The following ADAMTS20 variants were observed in gnomAD, a reference collection of about 807,000 sequenced individuals.
The protein encoded by ADAMTS20 is ADAM metallopeptidase with thrombospondin type 1 motif 20.
Under a neutral mutation model 260.1 loss-of-function variants are expected in ADAMTS20, and 225 were observed. That is an observed-to-expected ratio of 0.87 (90% CI 0.78 to 0.97). The LOEUF is 0.97. Among genes scored for constraint, ADAMTS20 ranks in the 50% least tolerant of loss-of-function variants. The pLI is 0.00. For synonymous variants in ADAMTS20, 802 were observed against 769.5 expected, an observed-to-expected ratio of 1.04 and a Z score of -0.70; for missense variants, 2,400 against 2,337.7, an observed-to-expected ratio of 1.03 and a Z score of -0.55.
At chr12:43,536,634 A>G (rs895338357) in intron 2 of ADAMTS20, among the ~76,000 whole-genome samples, 3 of 152,216 alleles carry the variant, frequency 2.0e-5, no homozygotes, top group Non-Finnish European at 4.4e-5. Flanking sequence ...GACATTCCAC[A>G]TAGAAGGGAA....
In ADAMTS20 at chr12:43,429,615, A is replaced by G; in HGVS notation, c.3489+2T>C. On this transcript the variant is annotated splice_donor_variant, in intron 24 of 38. Transcript: ENST00000389420. LOFTEE classifies it high-confidence loss of function. The stretch of plus-strand genomic sequence containing the variant: ...CTGTATCTATTAAAGAAATTCACTT[A>G]CTGGGGTCCAAGAACCATGTCGCCA... 1 of 1,581,048 alleles carries G rather than the reference A, an allele frequency of 6.3e-7. No homozygotes were observed. Among genetic ancestry groups the G allele is most frequent in the Non-Finnish European group, 8.6e-7 (1 of 1,161,584 alleles).
chr12:43,367,959 T>A (rs540821357), intron 37 of ADAMTS20, among the ~76,000 whole-genome samples: 2 of 152,064 alleles, frequency 1.3e-5, no homozygotes, highest in Admixed American at 6.6e-5. Context: ...TGGAACCTAC[T>A]GCCCTATTAA....
chr12:43,443,686 G>T, intron 16 of ADAMTS20, 105 bp downstream of exon 16: 1 of 842,226 alleles, frequency 1.2e-6, no homozygotes, highest in Non-Finnish European at 2.0e-6. Flanking sequence ...GAAATTGCAT[G>T]CTTGCTAAAG....
chr12:43,518,866 C>A (rs528158362), intron 3 of ADAMTS20, among the ~76,000 whole-genome samples: 2 of 151,680 alleles, frequency 1.3e-5, no homozygotes, highest in African/African-American at 4.8e-5. Context: ...TTACTCTCAG[C>A]CCTCACCTAC....
rs557564189 is a variant in ADAMTS20, at chr12:43,493,205, C to T, written c.916G>A (p.Val306Ile). 6.8e-5 allele frequency: 106 copies of T among 1,562,778 alleles called. No homozygotes were observed. The highest frequency in any genetic ancestry group is 1.7e-4 in the Middle Eastern group (1 of 5,804). The change falls in exon 5 of 39, where the codon GTA becomes ATA. Residue 306 changes from valine to isoleucine, a missense_variant. Val to Ile is a conservative substitution (Grantham distance 29, BLOSUM62 3). Coordinates refer to ENST00000389420, the MANE Select transcript of ADAMTS20 (RefSeq NM_025003.5). ...TGAATCATAACTAATTTTACCACTA[C>T]TATGTGTATCAAATTTCCAATACTT... is the stretch of plus-strand genomic sequence containing the variant. Reference protein sequence around the residue: ...DPSIGNLIHIVVVKLVMIHRE... With the variant: ...DPSIGNLIHIIVVKLVMIHRE...
rs755911385 is a variant in ADAMTS20 at position 43,431,328 on chromosome 12, T to C, written c.3261+4A>G. 1.4e-5 allele frequency: 22 copies of C among 1,613,086 alleles called. No individual in the cohort carries two copies. The highest frequency in any genetic ancestry group is 1.8e-5 in the Non-Finnish European group (21 of 1,179,464). On this transcript the variant is annotated splice_donor_region_variant and intron_variant, in intron 22 of 38. Transcript: ENST00000389420. Reference sequence around the variant, plus strand: ...AATTAGAAAAACCCATATCATATACTCACAGGACCCCATGGTCCTACTTGC... The same window carrying C: ...AATTAGAAAAACCCATATCATATACCCACAGGACCCCATGGTCCTACTTGC...
At position 43,359,952 on chromosome 12, in the gene ADAMTS20, G is replaced by A. The variant is rs376770087; in HGVS notation, c.5539-3364C>T. On this transcript the variant is annotated intron_variant, in intron 37 of 38. Transcript: ENST00000389420. ...TTGAGTTTAATGATTTCTCAGAAAT[G>A]ACTCTAAATGTACAGTCCATAAAAG... 7.6e-4 allele frequency among the ~76,000 whole-genome samples: 115 copies of A among 152,238 alleles called. 2 individuals carry two copies. The South Asian group carries it at 0.023, about 31-fold the overall frequency.
At chr12:43,410,374 C>G (rs890645311) in intron 28 of ADAMTS20, among the ~76,000 whole-genome samples, 1 of 151,996 alleles carries the variant, frequency 6.6e-6, no homozygotes, top group African/African-American at 2.4e-5. Flanking sequence ...GCTGTTCAAG[C>G]CCTTAAGGAA....
rs144719963 is a variant in ADAMTS20 at position 43,460,090 on chromosome 12, T to C, written c.1614+2805A>G. ...TTTCAAATGTCCCTTCAATAAAAGGTTTATTTAATACTGAATACAGCTAAA... is the reference window on the plus strand; with the variant it reads ...TTTCAAATGTCCCTTCAATAAAAGGCTTATTTAATACTGAATACAGCTAAA... On this transcript the variant is annotated intron_variant, in intron 11 of 38. Coordinates refer to ENST00000389420, the MANE Select transcript of ADAMTS20 (RefSeq NM_025003.5). Among the ~76,000 whole-genome samples the C allele has an allele frequency of 8.0e-4, 122 of 152,318 alleles. 2 individuals are homozygous for C. The highest frequency in any genetic ancestry group is 2.6e-3 in the African/African-American group (108 of 41,582).
intron 32 of ADAMTS20, 36 bp from the exon 33 acceptor site, chr12:43,376,689 T>C: frequency 1.9e-6 from 3 of 1,581,062 alleles, no homozygotes; most frequent in Non-Finnish European, 2.6e-6. Flanking sequence ...CAAACTATAT[T>C]ATGAATCTTA....
Position 43,405,229 on chromosome 12 carries a change from C to CCAAAAAAAAAA in ADAMTS20, c.4285-5997_4285-5996insTTTTTTTTTTG, listed in dbSNP as rs1410899520. ...GTAACAAAATGAGACCTCATCTCTA[C>CCAAAAAAAAAA]AAAAAAAAAAAAAAAAAAAAAAAAA... On this transcript the variant is annotated intron_variant, in intron 28 of 38. Transcript: ENST00000389420. 3.1e-3 allele frequency among the ~76,000 whole-genome samples: 165 copies of CCAAAAAAAAAA among 52,774 alleles called. 38 individuals are homozygous for CCAAAAAAAAAA. The highest frequency in any genetic ancestry group is 0.011 in the East Asian group (23 of 2,022). 34.6% of individuals were successfully genotyped at this position (52,774 alleles called of 152,430 possible).
intron 11 of ADAMTS20, among the ~76,000 whole-genome samples, chr12:43,460,506 G>T (rs1371637321): frequency 6.6e-6 from 1 of 152,014 alleles, no homozygotes; most frequent in Non-Finnish European, 1.5e-5. Flanking sequence ...GTCTAAAATG[G>T]TGCACATACT....
At chr12:43,433,547 A>G (rs966719298) in intron 19 of ADAMTS20, among the ~76,000 whole-genome samples, 2 of 152,192 alleles carry the variant, frequency 1.3e-5, no homozygotes, top group Non-Finnish European at 2.9e-5. Flanking sequence ...ATAAATATAT[A>G]GAAATTCTCA....
At position 43,377,527 on chromosome 12, in the gene ADAMTS20, C is replaced by G. The variant is rs752437648; in HGVS notation, c.4833G>C (p.Arg1611Ser). The change falls in exon 32 of 39, where the codon AGG becomes AGC. Residue 1611 changes from arginine to serine, a missense_variant. Transcript: ENST00000389420. ...ATGGGATCTCGGTGCAATATGTAAT[C>G]CTTTGTCTGTAACTAAATCCACAGT... ...ANNCGFSYRQ[R>S]ITYCTEIPST... 5.6e-6 allele frequency: 9 copies of G among 1,613,036 alleles called. No individual in the cohort carries two copies. The highest frequency in any genetic ancestry group is 2.2e-5 in the East Asian group (1 of 44,864).
At chr12:43,379,314 A>G (rs929710694) in intron 31 of ADAMTS20, among the ~76,000 whole-genome samples, 50 of 152,190 alleles carry the variant, frequency 3.3e-4, no homozygotes, top group African/African-American at 5.5e-4. Context: ...AAAAGGCTTA[A>G]AAGGAAAAGC....
At chr12:43,424,005 C>T in intron 28 of ADAMTS20, 1 of 645,084 alleles carries the variant, frequency 1.6e-6, no homozygotes. Flanking sequence ...TGAACCAGAG[C>T]TTGACCTACT....
At chr12:43,361,497 C>T (rs913551906) in intron 37 of ADAMTS20, among the ~76,000 whole-genome samples, 20 of 152,236 alleles carry the variant, frequency 1.3e-4, no homozygotes, top group African/African-American at 4.6e-4. Context: ...GCAAGAGAGA[C>T]ATCTCGCCCC....
intron 7 of ADAMTS20, among the ~76,000 whole-genome samples, chr12:43,488,096 T>C (rs1942549977): frequency 6.6e-6 from 1 of 151,208 alleles, no homozygotes; most frequent in Non-Finnish European, 1.5e-5. Flanking sequence ...GTTTTTGTGT[T>C]GTTGTTTTTA....
Position 43,446,670 on chromosome 12 carries a change from C to G in ADAMTS20, c.2122G>C (p.Asp708His). The G allele has an allele frequency of 1.2e-6, 2 of 1,613,450 alleles. No homozygotes were observed. The highest frequency in any genetic ancestry group is 1.7e-6 in the Non-Finnish European group (2 of 1,179,548). Residue 708 changes from aspartate (D) to histidine (H), a missense_variant, in exon 15 of 39, where the codon GAC (aspartate) becomes CAC (histidine). Physicochemically the swap from Asp to His is moderately conservative, Grantham distance 81 (BLOSUM62 -1). Transcript: ENST00000389420. ...DHVLNSSAKIDKCGVCGGDNS... is the reference protein window; with the variant it reads ...DHVLNSSAKIHKCGVCGGDNS... ...TCCCCACCACACACTCCACATTTGT[C>G]TATCTTGGCACTGGAGTTTAACACG... is the stretch of plus-strand genomic sequence containing the variant.
Sources: allele counts gnomAD v4.1 joint callset (sites outside exome capture counted in the v4.1 genomes callset), GRCh38; gene constraint gnomAD v4.1.1; transcripts MANE v1.5; gene names NCBI Gene and HGNC (gene_info 2026-07-23, HGNC 2026-07-21).